Variants in KIF17 observed in about 807,000 individuals in gnomAD.
The protein encoded by KIF17 is kinesin family member 17, also known as kinesin-like protein KIF17.
KIF17 carries 80 observed loss-of-function variants against 96.8 expected under a neutral mutation model. The observed-to-expected ratio is 0.83, with a 90% CI of 0.69 to 1.00. KIF17 has a LOEUF of 1.00. Ranked by LOEUF, KIF17 falls within the 50% of genes least tolerant of loss-of-function variation. KIF17 has a pLI of 0.00. For synonymous variants in KIF17, 567 were observed against 587.5 expected (o/e 0.97, Z 0.51); for missense variants, 1,280 against 1,372.9 (o/e 0.93, Z 1.07).
At chr1:20,692,485 T>G (rs1287567965) in intron 6 of KIF17, among the ~76,000 whole-genome samples, 1 of 152,010 alleles carries the variant, frequency 6.6e-6, no homozygotes, top group Non-Finnish European at 1.5e-5. Context: ...AAGTAGCCTA[T>G]TACATGTGCA....
At chr1:20,716,806 C>G (rs554741168) in intron 1 of KIF17, among the ~76,000 whole-genome samples, 3 of 152,316 alleles carry the variant, frequency 2.0e-5, no homozygotes, top group Admixed American at 2.0e-4. Flanking sequence ...TATGCTCAGC[C>G]TACGGACAAA....
chr1:20,673,686 C>T (rs1013445003), intron 11 of KIF17, among the ~76,000 whole-genome samples: 4 of 151,938 alleles, frequency 2.6e-5, no homozygotes, highest in East Asian at 1.9e-4. Flanking sequence ...TGAGTCACCA[C>T]GCTCAGCTCA....
intron 2 of KIF17, among the ~76,000 whole-genome samples, chr1:20,714,243 C>T (rs1303623352): frequency 1.3e-5 from 2 of 152,022 alleles, no homozygotes; most frequent in African/African-American, 4.8e-5. Context: ...AGGAGAATGG[C>T]GTGAACCCAG....
In KIF17 at chr1:20,699,785, G is replaced by A. The variant is rs1280872757; in HGVS notation, c.1124-1297C>T. Among the ~76,000 whole-genome samples the A allele has an allele frequency of 1.3e-5, 2 of 152,154 alleles. No homozygotes were observed. Among genetic ancestry groups the A allele is most frequent in the Non-Finnish European group, 1.5e-5 (1 of 68,032 alleles). On this transcript the variant is annotated intron_variant, in intron 5 of 14. Coordinates refer to ENST00000400463, the MANE Select transcript of KIF17 (RefSeq NM_001122819.3). This position sits in a 1 kb window ranked among gnomAD's most constrained non-coding sequence, Gnocchi z 4.3. Reference sequence around the variant, plus strand: ...CAGCCAGGAGGCCAGTGTGGCTGGAGGGGAGGGAGTGATGGGCAGGACAGG... The same window carrying A: ...CAGCCAGGAGGCCAGTGTGGCTGGAAGGGAGGGAGTGATGGGCAGGACAGG...
chr1:20,667,661 C>T lies in KIF17; in HGVS notation c.2791-1330G>A, dbSNP rs529774847. On this transcript the variant is annotated intron_variant, in intron 13 of 14. Transcript: ENST00000400463. ...CACCAATGGCCAGCAGCCATCCTTC[C>T]GGCCATGTGGAGAAAGCCTTCAGTT... is the stretch of plus-strand genomic sequence containing the variant. 1.6e-3 allele frequency among the ~76,000 whole-genome samples: 246 copies of T among 152,266 alleles called. 1 individual carries two copies. The highest frequency in any genetic ancestry group is 5.2e-3 in the African/African-American group (216 of 41,540).
In KIF17 at chr1:20,672,293, C is replaced by G; in HGVS notation, c.2464-97G>C. 6.7e-7 allele frequency: 1 copy of G among 1,492,754 alleles called. No homozygotes were observed. Among genetic ancestry groups the G allele is most frequent in the Non-Finnish European group, 9.1e-7 (1 of 1,097,264 alleles). 92.5% of individuals were successfully genotyped at this position (1,492,754 alleles called of 1,614,324 possible). On this transcript the variant is annotated intron_variant, in intron 11 of 14. Coordinates refer to ENST00000400463, the MANE Select transcript of KIF17 (RefSeq NM_001122819.3). This position sits in a 1 kb window ranked among gnomAD's most constrained non-coding sequence, Gnocchi z 4.3. ...CACTGTCCTGCCAGCAGCCACGCAT[C>G]GTCTGTTCATTGGCCTGATCAGCCA...
chr1:20,706,370 C>A (rs2054340913), intron 4 of KIF17, among the ~76,000 whole-genome samples: 1 of 150,656 alleles, frequency 6.6e-6, no homozygotes, highest in African/African-American at 2.4e-5. Flanking sequence ...GCAGGCGGAT[C>A]ACCTGAGGTC....
Position 20,704,752 on chromosome 1 carries a change from A to T in KIF17, c.818T>A (p.Val273Asp). ...INLSLSALGN[V>D]ISALVDGRCK... ...GCGCCCGTCCACCAGCGCCGAGATG[A>T]CATTGCCCAGTGCCGAGAGCGACAG... is the stretch of plus-strand genomic sequence containing the variant. Residue 273 changes from valine (V) to aspartate (D), a missense_variant, in exon 5 of 15, where the codon GTC (valine) becomes GAC (aspartate). Physicochemically the swap from Val to Asp is radical, Grantham distance 152. Transcript: ENST00000400463. This position sits in a 1 kb window ranked among gnomAD's most constrained non-coding sequence, Gnocchi z 6.8. 1 of 1,612,502 alleles carries T rather than the reference A, an allele frequency of 6.2e-7. No individual in the cohort carries two copies. The highest frequency in any genetic ancestry group is 2.2e-5 in the East Asian group (1 of 44,872).
intron 5 of KIF17, among the ~76,000 whole-genome samples, chr1:20,703,868 T>C (rs1000935722): frequency 7.3e-5 from 11 of 151,192 alleles, no homozygotes; most frequent in Non-Finnish European, 1.3e-4. Context: ...GAGGCAGAGG[T>C]TGCAATGAGC....
At position 20,694,393 on chromosome 1, in the gene KIF17, G is replaced by T. The variant is rs546677563; in HGVS notation, c.1233+3986C>A. Among the ~76,000 whole-genome samples, 10 of 152,322 alleles carry T rather than the reference G, an allele frequency of 6.6e-5. No individual in the cohort carries two copies. In the South Asian group the frequency reaches 2.1e-3, roughly 32 times the overall value. ...ACACCTGCGGAGCCAGTAAATGGCA[G>T]AGCAGAACTGCAGGTTAATGGGCAT... On this transcript the variant is annotated intron_variant, in intron 6 of 14. Transcript: ENST00000400463.
chr1:20,683,336 A>G (rs1006656249), intron 10 of KIF17, among the ~76,000 whole-genome samples: 2 of 152,050 alleles, frequency 1.3e-5, no homozygotes, highest in African/African-American at 4.8e-5. Context: ...ATGCTCAAAA[A>G]CGTTTAGAGT....
rs768786059 is a variant in KIF17, at chr1:20,715,632, G to C, written c.239C>G (p.Thr80Ser). 1 of 1,613,380 alleles carries C rather than the reference G, an allele frequency of 6.2e-7. No individual in the cohort carries two copies. Among genetic ancestry groups the C allele is most frequent in the South Asian group, 1.1e-5 (1 of 91,022 alleles). Residue 80 changes from threonine to serine, a missense_variant, in exon 2 of 15, where the codon ACT becomes AGT. By Grantham distance (58) the Thr-to-Ser change is moderately conservative. Transcript: ENST00000400463. ...EIAYPLVEGV[T>S]EGYNGTIFAY... ...AAAGATGGTGCCATTGTAGCCCTCA[G>C]TGACGCCCTGCATGGGAGGAAGGCA...
Position 20,717,670 on chromosome 1 carries a change from G to C in KIF17, c.37C>G (p.Arg13Gly), listed in dbSNP as rs765763185. ...TCTCGCTCCCGCTGGTTCATGGGAC[G>C]GCAGCGCACGACAACCTTCACCGCC... ...SEAVKVVVRC[R>G]PMNQRERELR... The change falls in exon 1 of 15, where the codon CGT becomes GGT. Residue 13 changes from arginine (R) to glycine (G), a missense_variant. Physicochemically the swap from Arg to Gly is moderately radical, Grantham distance 125. Transcript: ENST00000400463. 3.7e-6 allele frequency: 6 copies of C among 1,601,364 alleles called. No homozygotes were observed. Among genetic ancestry groups the C allele is most frequent in the South Asian group, 1.1e-5 (1 of 90,668 alleles).
intron 10 of KIF17, 121 bp downstream of exon 10, chr1:20,684,688 C>A: frequency 9.9e-7 from 1 of 1,012,502 alleles, no homozygotes; most frequent in South Asian, 1.5e-5. Context: ...GGATCAGGGC[C>A]GCCCTGCCAA....
rs545802664 is a variant in KIF17 at position 20,687,148 on chromosome 1, T to A, written c.1938+240A>T. On this transcript the variant is annotated intron_variant, in intron 8 of 14. Coordinates refer to ENST00000400463, the MANE Select transcript of KIF17 (RefSeq NM_001122819.3). This position sits in a 1 kb window ranked among gnomAD's most constrained non-coding sequence, Gnocchi z 4.4. ...GGAGCCCACCTGGCATAACCTTGCA[T>A]CGCGACCCCAACTTTCTTATTGAAT... Among the ~76,000 whole-genome samples the A allele has an allele frequency of 2.6e-5, 4 of 152,326 alleles. No individual in the cohort carries two copies. Among genetic ancestry groups the A allele is most frequent in the African/African-American group, 9.6e-5 (4 of 41,590 alleles).
At chr1:20,703,512 AT>A (rs1474512876) in intron 5 of KIF17, among the ~76,000 whole-genome samples, 24 of 149,270 alleles carry the variant, frequency 1.6e-4, no homozygotes, top group Non-Finnish European at 3.4e-4. Context: ...GGATGGATGG[AT>A]GGATGGATGG....
chr1:20,683,736 T>C (rs1179177202), intron 10 of KIF17, among the ~76,000 whole-genome samples: 1 of 151,520 alleles, frequency 6.6e-6, no homozygotes, highest in Non-Finnish European at 1.5e-5. Context: ...GCACATAGGG[T>C]CTTCCCTCTA....
At chr1:20,676,596 C>T (rs935015585) in intron 11 of KIF17, among the ~76,000 whole-genome samples, 5 of 152,106 alleles carry the variant, frequency 3.3e-5, no homozygotes, top group Non-Finnish European at 5.9e-5. Flanking sequence ...TTTGGGAGGC[C>T]AAGGTGGGGC....
At chr1:20,714,791 C>T (rs1356031428) in intron 2 of KIF17, among the ~76,000 whole-genome samples, 3 of 106,536 alleles carry the variant, frequency 2.8e-5, no homozygotes, top group African/African-American at 3.6e-5. Flanking sequence ...AGCAAGACTC[C>T]GTCTCAAAAA....
Sources: gnomAD v4.1 joint callset for allele counts (sites outside exome capture counted in the v4.1 genomes callset) on GRCh38, gnomAD v4.1.1 for gene constraint, Gnocchi (gnomAD v3.1) non-coding constraint, MANE v1.5 for transcripts, NCBI Gene and HGNC (gene_info 2026-07-23, HGNC 2026-07-21) for gene names.